The following KBTBD3 variants were observed in gnomAD, a reference collection of about 807,000 sequenced individuals.
The protein encoded by KBTBD3 is kelch repeat and BTB domain-containing protein 3.
Under a neutral mutation model 49.6 loss-of-function variants are expected in KBTBD3, and 38 were observed. That is an observed-to-expected ratio of 0.77 (90% CI 0.59 to 1.00). KBTBD3 has a LOEUF of 1.00. Ranked by LOEUF, KBTBD3 falls within the 50% of genes least tolerant of loss-of-function variation. The pLI, the probability that KBTBD3 is intolerant of heterozygous loss-of-function variation, is 0.00. For synonymous variants in KBTBD3, 214 were observed against 250.4 expected (o/e 0.85, Z 1.37); for missense variants, 661 against 712.0 (o/e 0.93, Z 0.81).
intron 2 of KBTBD3, among the ~76,000 whole-genome samples, chr11:106,070,716 A>C (rs969924503): frequency 6.6e-6 from 1 of 152,120 alleles, no homozygotes; most frequent in Non-Finnish European, 1.5e-5. Context: ...CATGCTGCTG[A>C]CCATTAGAAA....
chr11:106,069,302 T>C (rs1444448498), intron 2 of KBTBD3, among the ~76,000 whole-genome samples: 1 of 151,968 alleles, frequency 6.6e-6, no homozygotes, highest in East Asian at 1.9e-4. Context: ...GAAACAAAAC[T>C]GCCTCTATTT....
At chr11:106,074,123 C>A (rs1047879488) in intron 2 of KBTBD3, among the ~76,000 whole-genome samples, 4 of 112,782 alleles carry the variant, frequency 3.5e-5, no homozygotes, top group Admixed American at 9.6e-5. Flanking sequence ...CCCCCCCCCA[C>A]ACACATACCC....
chr11:106,068,655 A>T (rs1419487613), intron 2 of KBTBD3, among the ~76,000 whole-genome samples: 2 of 152,162 alleles, frequency 1.3e-5, no homozygotes, highest in African/African-American at 4.8e-5. Flanking sequence ...CTTCAAGAAA[A>T]CAGAAGCAGA....
intron 3 of KBTBD3, 61 bp downstream of exon 3, chr11:106,058,804 G>T: frequency 2.1e-6 from 2 of 941,442 alleles, no homozygotes; most frequent in Non-Finnish European, 3.3e-6. Flanking sequence ...CTTGAGTGCA[G>T]TATAAAATAG....
chr11:106,066,817 AC>A (rs1423630504), intron 2 of KBTBD3, among the ~76,000 whole-genome samples: 2 of 152,014 alleles, frequency 1.3e-5, no homozygotes, highest in East Asian at 1.9e-4. Flanking sequence ...TACAAAAAAA[AC>A]AAAAACAACA....
intron 1 of KBTBD3, among the ~76,000 whole-genome samples, chr11:106,077,033 G>A (rs1003123286): frequency 6.6e-6 from 1 of 152,160 alleles, no homozygotes; most frequent in Non-Finnish European, 1.5e-5. Flanking sequence ...AGGGTTTCAG[G>A]TAGGCTGCTG....
At chr11:106,056,451 C>T (rs2155346) in intron 3 of KBTBD3, among the ~76,000 whole-genome samples, 91,490 of 151,882 alleles carry the variant, frequency 0.6, 27,591 homozygotes, top group Non-Finnish European at 0.62. Context: ...AGTGCAGGTC[C>T]ATAAATTGAA....
Position 106,053,102 on chromosome 11 carries a change from A to G in KBTBD3, c.1587T>C (p.Cys529=), listed in dbSNP as rs753692592. 27 of 1,613,778 alleles carry G rather than the reference A, an allele frequency of 1.7e-5. No individual in the cohort carries two copies. In the Middle Eastern group the frequency reaches 4.9e-4, roughly 30 times the overall value. The change falls in exon 4 of 4, where the codon TGT becomes TGC. Residue 529 remains cysteine, a synonymous_variant. Coordinates refer to ENST00000531837, the MANE Select transcript of KBTBD3 (RefSeq NM_198439.3). ...CAAAAGATCCTTCGCCTTTCCAAACACAAGTGTCTGGACAAAAACTATAAA... is the reference window on the plus strand; with the variant it reads ...CAAAAGATCCTTCGCCTTTCCAAACGCAAGTGTCTGGACAAAAACTATAAA... ...YKVYSFCPDT[C]VWKGEGSFEC... is the part of the protein sequence containing the mutation.
At chr11:106,067,307 T>G (rs537884390) in intron 2 of KBTBD3, among the ~76,000 whole-genome samples, 75 of 152,162 alleles carry the variant, frequency 4.9e-4, no homozygotes, top group African/African-American at 1.7e-3. Flanking sequence ...AAATAATCAC[T>G]AAAACATCTA....
At position 106,061,596 on chromosome 11, in the gene KBTBD3, C is replaced by G. The variant is rs1414325868; in HGVS notation, c.-12-2487G>C. Among the ~76,000 whole-genome samples, 5 of 152,164 alleles carry G rather than the reference C, an allele frequency of 3.3e-5. No individual in the cohort carries two copies. The East Asian group carries it at 7.8e-4, about 24-fold the overall frequency. On this transcript the variant is annotated intron_variant, in intron 2 of 3. Transcript: ENST00000531837. Reference sequence around the variant, plus strand: ...GTGCCTCAGCCTGTCTGTTGAAGGTCTGAATAGAACAAAAGGCTGAATAAG... The same window carrying G: ...GTGCCTCAGCCTGTCTGTTGAAGGTGTGAATAGAACAAAAGGCTGAATAAG...
At chr11:106,058,257 A>G (rs1194994097) in intron 3 of KBTBD3, among the ~76,000 whole-genome samples, 1 of 151,556 alleles carries the variant, frequency 6.6e-6, no homozygotes, top group Non-Finnish European at 1.5e-5. Context: ...GGTGGCGGGC[A>G]CTAGTCCCAG....
chr11:106,061,836 A>G (rs1332766741), intron 2 of KBTBD3, among the ~76,000 whole-genome samples: 1 of 151,792 alleles, frequency 6.6e-6, no homozygotes, highest in African/African-American at 2.4e-5. Context: ...ATACCTATAC[A>G]TATGTATAGT....
chr11:106,051,935 A>G lies in KBTBD3; in HGVS notation c.*915T>C, dbSNP rs1419066268. The G allele has an allele frequency of 1.3e-5, 2 of 151,948 alleles. No homozygotes were observed. The highest frequency in any genetic ancestry group is 2.9e-5 in the Non-Finnish European group (2 of 67,854). The allele number at this position is 151,948 out of a possible 1,614,324, so 9.4% of individuals were successfully genotyped here. A position where few individuals can be genotyped will look rare whatever the true frequency, so the allele number is the denominator to read the frequency against. On this transcript the variant is annotated 3_prime_UTR_variant, in exon 4 of 4. Coordinates refer to ENST00000531837, the MANE Select transcript of KBTBD3 (RefSeq NM_198439.3). Reference sequence around the variant, plus strand: ...TGTTTTATGTAGCTGAAATTTGGATAAAGCTTAAGAAATGCCATAATAATG... The same window carrying G: ...TGTTTTATGTAGCTGAAATTTGGATGAAGCTTAAGAAATGCCATAATAATG...
Position 106,052,490 on chromosome 11 carries a change from T to C in KBTBD3, c.*360A>G, listed in dbSNP as rs188077454. On this transcript the variant is annotated 3_prime_UTR_variant, in exon 4 of 4. Transcript: ENST00000531837. ...CACCTCTGATTTATTTTTTACTTCA[T>C]ATAAGATACAGTGTAATTCATTTTT... 2.4e-4 allele frequency: 39 copies of C among 165,788 alleles called. No homozygotes were observed. Among genetic ancestry groups the C allele is most frequent in the African/African-American group, 7.6e-4 (32 of 41,900 alleles). 10.3% of individuals were successfully genotyped at this position (165,788 alleles called of 1,614,324 possible).
rs761401541 is a variant in KBTBD3, at chr11:106,053,246, A to G, written c.1443T>C (p.Ala481=). 1.2e-6 allele frequency: 2 copies of G among 1,613,748 alleles called. No homozygotes were observed. Among genetic ancestry groups the G allele is most frequent in the Non-Finnish European group, 1.7e-6 (2 of 1,179,862 alleles). ...CTAGTTCAGACCACTGATCAGTTGT[A>G]GCATTGTATTTAAAAAAGCAATCAA... ...PSLDCFFKYN[A]TTDQWSELVA... The change falls in exon 4 of 4, where the codon GCT becomes GCC. Residue 481 remains alanine (A), a synonymous_variant. Transcript: ENST00000531837.
chr11:106,059,685 A>G (rs189904226), intron 2 of KBTBD3, among the ~76,000 whole-genome samples: 11 of 152,384 alleles, frequency 7.2e-5, no homozygotes, highest in African/African-American at 2.6e-4. Context: ...GCTATTTAAA[A>G]GTAGAAAGGA....
intron 2 of KBTBD3, chr11:106,075,437 C>T (rs1861007663): frequency 6.6e-6 from 1 of 152,162 alleles, no homozygotes; most frequent in South Asian, 2.1e-4. Context: ...GTATACATGA[C>T]ATTCCCTCTC....
chr11:106,063,800 G>A (rs900086893), intron 2 of KBTBD3, among the ~76,000 whole-genome samples: 24 of 152,172 alleles, frequency 1.6e-4, no homozygotes, highest in South Asian at 1.2e-3. Context: ...GTGTGGTGGC[G>A]CATGCCTGTA....
At chr11:106,062,412 G>A (rs768803400) in intron 2 of KBTBD3, among the ~76,000 whole-genome samples, 10 of 152,132 alleles carry the variant, frequency 6.6e-5, no homozygotes, top group Non-Finnish European at 1.5e-4. Context: ...TGGATACCCA[G>A]GAGAGCTGAC....
Sources: gnomAD v4.1 joint callset for allele counts (sites outside exome capture counted in the v4.1 genomes callset) on GRCh38, gnomAD v4.1.1 for gene constraint, MANE v1.5 for transcripts, NCBI Gene and HGNC (gene_info 2026-07-23, HGNC 2026-07-21) for gene names.